DCLK1: variants seen among roughly 807,000 people sequenced by gnomAD.
DCLK1 encodes doublecortin like kinase 1.
DCLK1 carries 16 observed loss-of-function variants against 86.2 expected under a neutral mutation model. The observed-to-expected ratio is 0.19, with a 90% CI of 0.13 to 0.28. The LOEUF (loss-of-function observed/expected upper bound fraction) is 0.28. DCLK1 is among the 10% of genes least tolerant of loss of function. The pLI is 1.00. For missense variants in DCLK1, 590 were observed against 940.2 expected, an observed-to-expected ratio of 0.63 and a Z score of 4.87; for synonymous variants, 369 against 370.5, an observed-to-expected ratio of 1.00 and a Z score of 0.05.
chr13:35,840,914 G>A (rs922877634), intron 6 of DCLK1, among the ~76,000 whole-genome samples: 5 of 152,200 alleles, frequency 3.3e-5, no homozygotes, highest in African/African-American at 1.2e-4. Flanking sequence ...GTCAATAACC[G>A]AAGAAAATAA....
chr13:35,940,875 T>C (rs1268531735), intron 4 of DCLK1, among the ~76,000 whole-genome samples: 1 of 152,148 alleles, frequency 6.6e-6, no homozygotes, highest in Non-Finnish European at 1.5e-5. Context: ...GCCCCACAAA[T>C]GAAGCTACAT....
At chr13:35,785,503 G>C (rs955874736) in intron 16 of DCLK1, among the ~76,000 whole-genome samples, 8 of 152,146 alleles carry the variant, frequency 5.3e-5, no homozygotes, top group Non-Finnish European at 1.0e-4. Context: ...AGTGAAGGAT[G>C]CTGCTCCCTT....
chr13:36,124,627 G>C (rs1057207857), intron 2 of DCLK1, among the ~76,000 whole-genome samples: 1 of 152,176 alleles, frequency 6.6e-6, no homozygotes, highest in Non-Finnish European at 1.5e-5. Flanking sequence ...GGGCTGCAAC[G>C]GGTGCTTCCT....
chr13:35,912,066 G>T (rs1378810370), intron 4 of DCLK1, among the ~76,000 whole-genome samples: 3 of 151,776 alleles, frequency 2.0e-5, no homozygotes, highest in African/African-American at 7.3e-5. Context: ...GTTTCATACA[G>T]CGCCTGCCCC....
intron 11 of DCLK1, among the ~76,000 whole-genome samples, chr13:35,817,272 CACTT>C (rs1462266818): frequency 2.0e-5 from 3 of 152,168 alleles, no homozygotes; most frequent in Non-Finnish European, 4.4e-5. Flanking sequence ...GCCCAGTAAA[CACTT>C]AGTACAGTAA....
At chr13:35,971,763 CAA>C (rs71643790) in intron 3 of DCLK1, among the ~76,000 whole-genome samples, 7 of 130,188 alleles carry the variant, frequency 5.4e-5, no homozygotes, top group Admixed American at 1.6e-4. Flanking sequence ...AACTCCATCT[CAA>C]AAAAAAAAAA....
chr13:35,812,657 C>G (rs2087171667), intron 11 of DCLK1, among the ~76,000 whole-genome samples: 1 of 152,254 alleles, frequency 6.6e-6, no homozygotes. Flanking sequence ...ATCCACCTAT[C>G]TGAAAGACTG....
At chr13:36,059,963 C>T (rs1883480392) in intron 3 of DCLK1, among the ~76,000 whole-genome samples, 1 of 151,616 alleles carries the variant, frequency 6.6e-6, no homozygotes, top group African/African-American at 2.4e-5. Context: ...CCTCCACCTC[C>T]TGAGTTCAAG....
At chr13:35,863,993 C>T (rs17181655) in intron 5 of DCLK1, among the ~76,000 whole-genome samples, 66,150 of 152,064 alleles carry the variant, frequency 0.44, 14,823 homozygotes, top group African/African-American at 0.53. Context: ...ATGGTAGATG[C>T]TCATTAACTG....
intron 4 of DCLK1, among the ~76,000 whole-genome samples, chr13:35,922,063 C>G (rs1361919020): frequency 4.6e-5 from 7 of 152,158 alleles, no homozygotes. Context: ...GGCTAGAAAC[C>G]CTGTCCTGAC....
intron 3 of DCLK1, among the ~76,000 whole-genome samples, chr13:36,081,314 A>C (rs1000019940): frequency 1.3e-5 from 2 of 152,156 alleles, no homozygotes; most frequent in African/African-American, 4.8e-5. Context: ...GACAAAAACA[A>C]TGTGAAGTTT....
intron 4 of DCLK1, among the ~76,000 whole-genome samples, chr13:35,879,919 C>T (rs1211556619): frequency 6.6e-6 from 1 of 152,134 alleles, no homozygotes; most frequent in Non-Finnish European, 1.5e-5. Context: ...CAAAAACGTC[C>T]CCACACATTC....
intron 4 of DCLK1, among the ~76,000 whole-genome samples, chr13:35,874,768 T>C (rs981546755): frequency 2.0e-5 from 3 of 152,218 alleles, no homozygotes; most frequent in Admixed American, 6.5e-5. Context: ...CGTGGAGATT[T>C]TGATTCGCAA....
At chr13:36,011,731 TGTCTATTAG>T (rs1881280284) in intron 3 of DCLK1, among the ~76,000 whole-genome samples, 1 of 151,868 alleles carries the variant, frequency 6.6e-6, no homozygotes, top group Admixed American at 6.6e-5. Flanking sequence ...GTTCTGTAGA[TGTCTATTAG>T]GTCCGCTTGG....
At chr13:35,847,727 A>G (rs1870313158) in intron 6 of DCLK1, 1 of 981,540 alleles carries the variant, frequency 1.0e-6, no homozygotes. Flanking sequence ...TGTAGGGTAT[A>G]TATATATATA....
At position 35,886,499 on chromosome 13, in the gene DCLK1, C is replaced by T. The variant is rs555698866; in HGVS notation, c.824-15159G>A. ...AAAGGATGTTAGAAAAAGCTCCCCC[C>T]GATGTTGCACAAGCAATGCCACTTT... On this transcript the variant is annotated intron_variant, in intron 4 of 16. Coordinates refer to ENST00000360631, the MANE Select transcript of DCLK1 (RefSeq NM_001330071.2). Among the ~76,000 whole-genome samples the T allele has an allele frequency of 8.7e-4, 133 of 152,236 alleles. 2 individuals carry two copies. The South Asian group carries it at 0.011, about 13-fold the overall frequency.
chr13:36,043,256 C>T (rs973287015), intron 3 of DCLK1, among the ~76,000 whole-genome samples: 2 of 150,674 alleles, frequency 1.3e-5, no homozygotes, highest in Non-Finnish European at 3.0e-5. Context: ...ATTACATCCA[C>T]AAAAAGAAAG....
intron 3 of DCLK1, among the ~76,000 whole-genome samples, chr13:36,102,897 A>C (rs1885265665): frequency 6.6e-6 from 1 of 152,200 alleles, no homozygotes; most frequent in African/African-American, 2.4e-5. Context: ...GACAAGTCAC[A>C]AGACAGGAAA....
chr13:36,072,822 T>C (rs1566669803), intron 3 of DCLK1, among the ~76,000 whole-genome samples: 1 of 152,230 alleles, frequency 6.6e-6, no homozygotes. Context: ...GTTATTTTAC[T>C]ACAGTCATGA....
Sources: allele counts gnomAD v4.1 joint callset (sites outside exome capture counted in the v4.1 genomes callset), GRCh38; gene constraint gnomAD v4.1.1; transcripts MANE v1.5; gene names NCBI Gene and HGNC (gene_info 2026-07-23, HGNC 2026-07-21).